The following DLG1 variants were observed in gnomAD, a reference collection of about 807,000 sequenced individuals.
The protein encoded by DLG1 is discs large MAGUK scaffold protein 1.
In DLG1, 42 loss-of-function variants were observed where a neutral mutation model predicts 123.4. The ratio of observed to expected loss-of-function variants is 0.34; its 90% CI spans 0.27 to 0.44. The LOEUF (loss-of-function observed/expected upper bound fraction) is 0.44, where lower values mean the gene tolerates loss of function less well. DLG1 is among the 20% of genes least tolerant of loss of function. The probability of loss-of-function intolerance (pLI) is 1.00; values close to 1 mark genes in which losing one functional copy is unlikely to be tolerated. For missense variants in DLG1, 942 were observed against 1,082.6 expected (o/e 0.87, Z 1.82); for synonymous variants, 317 against 356.2 (o/e 0.89, Z 1.24).
chr3:197,166,934 C>T (rs1159429583), intron 5 of DLG1, among the ~76,000 whole-genome samples: 2 of 151,960 alleles, frequency 1.3e-5, no homozygotes, highest in East Asian at 1.9e-4. Flanking sequence ...CAAAACCAAA[C>T]CATGGGTCTT....
intron 3 of DLG1, among the ~76,000 whole-genome samples, chr3:197,283,453 A>G (rs1234786147): frequency 6.6e-6 from 1 of 152,222 alleles, no homozygotes; most frequent in African/African-American, 2.4e-5. Flanking sequence ...TAAATATTTT[A>G]TACTACTTTA....
chr3:197,206,006 C>T (rs1004577186), intron 4 of DLG1, among the ~76,000 whole-genome samples: 4 of 152,206 alleles, frequency 2.6e-5, no homozygotes, highest in Non-Finnish European at 5.9e-5. Flanking sequence ...TTAGGATAAT[C>T]TCCCTATCTT....
intron 23 of DLG1, 47 bp downstream of exon 23, chr3:197,059,841 GT>G (rs1251472324): frequency 7.8e-7 from 1 of 1,275,182 alleles, no homozygotes; most frequent in Non-Finnish European, 1.1e-6. Context: ...TTACCCTACA[GT>G]GACTGAATTT....
At chr3:197,077,458 A>G (rs75207502) in intron 17 of DLG1, among the ~76,000 whole-genome samples, 6,158 of 152,168 alleles carry the variant, frequency 0.04, 178 homozygotes, top group Non-Finnish European at 0.054. Context: ...CGTGAATGCT[A>G]TCAGTACTGA....
chr3:197,166,541 C>A lies in DLG1; in HGVS notation c.484-16745G>T, dbSNP rs952090196. On this transcript the variant is annotated intron_variant, in intron 5 of 24. Coordinates refer to ENST00000667157, the MANE Select transcript of DLG1 (RefSeq NM_001366207.1). ...GGATGCAGCTAACAGCTCAACAGCA[C>A]GAATACACCTGGCATCCAAATCTTG... is the stretch of plus-strand genomic sequence containing the variant. Among the ~76,000 whole-genome samples the A allele has an allele frequency of 2.0e-5, 3 of 152,170 alleles. No homozygotes were observed. In the South Asian group the frequency reaches 6.2e-4, roughly 31 times the overall value.
intron 4 of DLG1, among the ~76,000 whole-genome samples, chr3:197,259,825 A>T (rs1432689635): frequency 6.6e-6 from 1 of 152,184 alleles, no homozygotes; most frequent in Non-Finnish European, 1.5e-5. Flanking sequence ...TCAGCACTTG[A>T]CTATTTTCCT....
At chr3:197,206,202 C>T (rs930859884) in intron 4 of DLG1, among the ~76,000 whole-genome samples, 1 of 151,964 alleles carries the variant, frequency 6.6e-6, no homozygotes, top group Non-Finnish European at 1.5e-5. Flanking sequence ...AAATCCATGA[C>T]GTAAAGGGTC....
Position 197,296,288 on chromosome 3 carries a change from G to C in DLG1, c.151+58C>G, listed in dbSNP as rs553669399. On this transcript the variant is annotated intron_variant, in intron 3 of 24. Coordinates refer to ENST00000667157, the MANE Select transcript of DLG1 (RefSeq NM_001366207.1). Reference sequence around the variant, plus strand: ...TCATTTTCTTAAGTTTAAAATAAATGAATTGAGAGGAGCATAAAGCCTAGC... The same window carrying C: ...TCATTTTCTTAAGTTTAAAATAAATCAATTGAGAGGAGCATAAAGCCTAGC... 6.7e-6 allele frequency: 10 copies of C among 1,493,710 alleles called. No homozygotes were observed. The African/African-American group carries it at 7.0e-5, about 10-fold the overall frequency. The allele number at this position is 1,493,710 out of a possible 1,614,324, so 92.5% of individuals were successfully genotyped here. A position where few individuals can be genotyped will look rare whatever the true frequency, so the allele number is the denominator to read the frequency against.
chr3:197,056,017 A>C (rs528168182), intron 23 of DLG1, among the ~76,000 whole-genome samples: 1 of 152,314 alleles, frequency 6.6e-6, no homozygotes, highest in East Asian at 1.9e-4. Flanking sequence ...GTACATGGCT[A>C]CATGCTATGG....
rs36030396 is a variant in DLG1, at chr3:197,090,307, GAA to G, written c.1661+603_1661+604del. Among the ~76,000 whole-genome samples the G allele has an allele frequency of 3.4e-3, 497 of 145,014 alleles. 2 individuals carry two copies. Among genetic ancestry groups the G allele is most frequent in the East Asian group, 8.9e-3 (45 of 5,032 alleles). Reference sequence around the variant, plus strand: ...TTTAAGTCTTATAAGCCAACGAAATGAAAAAAAAAAAAAGAAACACCCCAGTT... The same window carrying G: ...TTTAAGTCTTATAAGCCAACGAAATGAAAAAAAAAAAGAAACACCCCAGTT... On this transcript the variant is annotated intron_variant, in intron 15 of 24. Coordinates refer to ENST00000667157, the MANE Select transcript of DLG1 (RefSeq NM_001366207.1).
At chr3:197,109,836 C>T (rs1768795534) in intron 13 of DLG1, among the ~76,000 whole-genome samples, 1 of 152,156 alleles carries the variant, frequency 6.6e-6, no homozygotes, top group Admixed American at 6.5e-5. Flanking sequence ...GCTTTCTGAC[C>T]TCCATGGTTT....
In DLG1 at chr3:197,218,898, G is replaced by A. The variant is rs1449704497; in HGVS notation, c.319-24309C>T. Among the ~76,000 whole-genome samples the A allele has an allele frequency of 3.3e-5, 5 of 152,322 alleles. No homozygotes were observed. In the East Asian group the frequency reaches 5.8e-4, roughly 18 times the overall value. On this transcript the variant is annotated intron_variant, in intron 4 of 24. Coordinates refer to ENST00000667157, the MANE Select transcript of DLG1 (RefSeq NM_001366207.1). The stretch of plus-strand genomic sequence containing the variant: ...TGTAAGCCCAGCACTTTGGGAAGCC[G>A]AGGCGGGCGGATCACCTGAGGTCGG...
intron 5 of DLG1, among the ~76,000 whole-genome samples, chr3:197,154,815 T>A (rs572433042): frequency 1.3e-5 from 2 of 152,058 alleles, no homozygotes; most frequent in East Asian, 3.9e-4. Flanking sequence ...ACTGGAGAGA[T>A]TCAAAAGCAT....
At chr3:197,263,216 A>G (rs538191161) in intron 4 of DLG1, among the ~76,000 whole-genome samples, 12 of 152,306 alleles carry the variant, frequency 7.9e-5, no homozygotes, top group African/African-American at 2.6e-4. Context: ...TTTTTATCAC[A>G]TCTAGAGTAG....
At chr3:197,228,099 C>T (rs992124348) in intron 4 of DLG1, among the ~76,000 whole-genome samples, 3 of 152,136 alleles carry the variant, frequency 2.0e-5, no homozygotes, top group African/African-American at 7.2e-5. Flanking sequence ...ATTTTAAAAA[C>T]CTGGAAGCAC....
At chr3:197,211,893 T>C (rs1338294227) in intron 4 of DLG1, among the ~76,000 whole-genome samples, 2 of 146,692 alleles carry the variant, frequency 1.4e-5, no homozygotes, top group African/African-American at 2.4e-5. Flanking sequence ...ATATACACCA[T>C]GGGATACCAT....
At chr3:197,184,164 C>G (rs866834095) in intron 5 of DLG1, 3 of 1,017,168 alleles carry the variant, frequency 2.9e-6, no homozygotes, top group Non-Finnish European at 3.6e-6. Context: ...GAAGTGAGGT[C>G]GATTAGCAGG....
At chr3:197,144,445 C>A (rs965650718) in intron 6 of DLG1, among the ~76,000 whole-genome samples, 1 of 152,166 alleles carries the variant, frequency 6.6e-6, no homozygotes, top group Non-Finnish European at 1.5e-5. Context: ...GACCTCCCAA[C>A]CTTGTCAAGT....
intron 12 of DLG1, 108 bp from the exon 13 acceptor site, chr3:197,116,191 A>G (rs750828611): frequency 7.4e-6 from 6 of 815,000 alleles, no homozygotes; most frequent in Non-Finnish European, 1.1e-5. Context: ...CTACAAAGAA[A>G]GCTAGACAAA....
Sources: gnomAD v4.1 joint callset for allele counts (sites outside exome capture counted in the v4.1 genomes callset) on GRCh38, gnomAD v4.1.1 for gene constraint, MANE v1.5 for transcripts, NCBI Gene and HGNC (gene_info 2026-07-23, HGNC 2026-07-21) for gene names.